The following CDON variants were observed in gnomAD, a reference collection of about 807,000 sequenced individuals.
CDON encodes cell adhesion molecule-related/down-regulated by oncogenes.
A neutral mutation model predicts 120.9 loss-of-function variants in CDON; 73 were observed. The ratio of observed to expected loss-of-function variants is 0.60; its 90% CI spans 0.50 to 0.73. The LOEUF (loss-of-function observed/expected upper bound fraction) is 0.73. Ranked by LOEUF, CDON falls within the 30% of genes least tolerant of loss-of-function variation. CDON has a pLI of 0.00. For synonymous variants in CDON, 566 were observed against 573.5 expected, an observed-to-expected ratio of 0.99 and a Z score of 0.19; for missense variants, 1,470 against 1,587.3, an observed-to-expected ratio of 0.93 and a Z score of 1.26.
chr11:125,994,977 T>TA lies in CDON; in HGVS notation c.2437dup (p.Tyr813LeufsTer42). ...GCGATTGGGGAACCCAACCACTTGA[T>TA]AAGGACGAGATGCTGAACTCCGAAA... On this transcript the variant is annotated frameshift_variant, in exon 13 of 20. Coordinates refer to ENST00000531738, the MANE Select transcript of CDON (RefSeq NM_001378964.1). LOFTEE classifies it high-confidence loss of function. The TA allele has an allele frequency of 6.2e-7, 1 of 1,614,106 alleles. No homozygotes were observed. The highest frequency in any genetic ancestry group is 8.5e-7 in the Non-Finnish European group (1 of 1,179,958).
At chr11:125,988,638 A>G (rs1269647189) in intron 15 of CDON, among the ~76,000 whole-genome samples, 1 of 152,176 alleles carries the variant, frequency 6.6e-6, no homozygotes, top group African/African-American at 2.4e-5. Context: ...GTTGTTGTGA[A>G]GATTAACTGA....
intron 1 of CDON, among the ~76,000 whole-genome samples, chr11:126,061,196 AAC>A (rs1353916994): frequency 3.3e-5 from 5 of 152,204 alleles, no homozygotes; most frequent in African/African-American, 4.8e-5. Flanking sequence ...CACACTGCCA[AAC>A]ACACACCCAG....
At chr11:126,040,775 A>G (rs1343016423) in intron 1 of CDON, among the ~76,000 whole-genome samples, 2 of 129,218 alleles carry the variant, frequency 1.5e-5, no homozygotes, top group African/African-American at 2.9e-5. Context: ...AGATGGTGCC[A>G]CTGCACTCCA....
rs11829020 is a variant in CDON, at chr11:126,023,603, G to A, written c.-61-66C>T. ...CTTTCGTCTGAGCAGCTGGAGCTGT[G>A]AGCATGACGGCTGCCATCTATTTTG... On this transcript the variant is annotated intron_variant, in intron 1 of 19. Transcript: ENST00000531738. 5,566 of 755,648 alleles carry A rather than the reference G, an allele frequency of 7.4e-3. 198 individuals are homozygous for A. The African/African-American group carries it at 0.082, about 11-fold the overall frequency. 46.8% of individuals were successfully genotyped at this position (755,648 alleles called of 1,614,324 possible). A position where few individuals can be genotyped will look rare whatever the true frequency, so the allele number is the denominator to read the frequency against.
intron 15 of CDON, among the ~76,000 whole-genome samples, chr11:125,988,783 ATTTAGAATC>A (rs1051844130): frequency 2.0e-5 from 3 of 152,224 alleles, no homozygotes. Context: ...AGAATGTTCA[ATTTAGAATC>A]AGCAACTGCT....
chr11:126,050,521 C>T (rs910179951), intron 1 of CDON, among the ~76,000 whole-genome samples: 25 of 150,994 alleles, frequency 1.7e-4, no homozygotes, highest in Middle Eastern at 3.2e-3. Flanking sequence ...CACACACACA[C>T]ACACACACAC....
At chr11:126,060,322 ACGCAGCTCAT>A (rs1271024598) in intron 1 of CDON, among the ~76,000 whole-genome samples, 2 of 152,190 alleles carry the variant, frequency 1.3e-5, no homozygotes, top group African/African-American at 4.8e-5. Context: ...GCTACCATGT[ACGCAGCTCAT>A]CTACAGCTCC....
At chr11:126,037,833 CCA>C (rs764122329) in intron 1 of CDON, among the ~76,000 whole-genome samples, 4 of 152,150 alleles carry the variant, frequency 2.6e-5, no homozygotes, top group African/African-American at 4.8e-5. Flanking sequence ...AAAAAAAACT[CCA>C]CAGTTTTTTT....
intron 5 of CDON, among the ~76,000 whole-genome samples, chr11:126,018,058 C>T (rs758716375): frequency 6.6e-6 from 1 of 152,096 alleles, no homozygotes; most frequent in Non-Finnish European, 1.5e-5. Flanking sequence ...TGCTGCCACA[C>T]CCAGCTAATT....
Position 125,984,052 on chromosome 11 carries a change from A to G in CDON, c.2815T>C (p.Leu939=). 2.5e-6 allele frequency: 4 copies of G among 1,613,966 alleles called. No homozygotes were observed. Among genetic ancestry groups the G allele is most frequent in the Non-Finnish European group, 3.4e-6 (4 of 1,179,848 alleles). Reference sequence around the variant, plus strand: ...CCCAAAGAATTTGGAGGGGTACTCAAGTCTTTGACAGGATATTCAGAAGCT... The same window carrying G: ...CCCAAAGAATTTGGAGGGGTACTCAGGTCTTTGACAGGATATTCAGAAGCT... ...PGASEYPVKD[L]STPPNSLGSG... is the part of the protein sequence containing the mutation. The change falls in exon 16 of 20, where the codon TTG becomes CTG. Residue 939 remains leucine (L), a synonymous_variant. Transcript: ENST00000531738.
intron 1 of CDON, among the ~76,000 whole-genome samples, chr11:126,029,555 C>CATAT (rs10588981): frequency 1.1e-4 from 16 of 150,746 alleles, no homozygotes; most frequent in Admixed American, 7.9e-4. Flanking sequence ...GTCCATGTAA[C>CATAT]ATATATATAT....
At chr11:126,025,723 AC>A (rs1176049992) in intron 1 of CDON, among the ~76,000 whole-genome samples, 1 of 152,212 alleles carries the variant, frequency 6.6e-6, no homozygotes, top group African/African-American at 2.4e-5. Flanking sequence ...CATTTATGCA[AC>A]AAATACTTAT....
Position 126,019,883 on chromosome 11 carries a change from C to T in CDON, c.350-118G>A. The T allele has an allele frequency of 4.7e-6, 4 of 845,434 alleles. No individual in the cohort carries two copies. In the South Asian group the frequency reaches 5.8e-5, roughly 12 times the overall value. The allele number at this position is 845,434 out of a possible 1,614,324, so 52.4% of individuals were successfully genotyped here. ...CACGGCCTTTTGTGGCAGCTGACCC[C>T]AGTCCAGAGGGCTGCATGATCTTTT... is the stretch of plus-strand genomic sequence containing the variant. On this transcript the variant is annotated intron_variant, in intron 3 of 19. Transcript: ENST00000531738.
chr11:126,014,972 G>C, intron 7 of CDON: 1 of 465,892 alleles, frequency 2.1e-6, no homozygotes, highest in Non-Finnish European at 3.9e-6. Context: ...GGGAATAAGA[G>C]TAAGAGAGAG....
chr11:126,040,842 A>T (rs1948240784), intron 1 of CDON, among the ~76,000 whole-genome samples: 1 of 146,930 alleles, frequency 6.8e-6, no homozygotes, highest in Non-Finnish European at 1.5e-5. Context: ...AAAAAAAAAA[A>T]AAAAGGTACT....
At chr11:125,986,880 G>T (rs1420455638) in intron 15 of CDON, among the ~76,000 whole-genome samples, 1 of 109,956 alleles carries the variant, frequency 9.1e-6, no homozygotes, top group African/African-American at 3.8e-5. Flanking sequence ...CAAGAGAAAA[G>T]AAGTCATCTT....
chr11:125,994,804 G>T, intron 13 of CDON, 67 bp downstream of exon 13: 2 of 1,372,106 alleles, frequency 1.5e-6, no homozygotes, highest in South Asian at 1.2e-5. Flanking sequence ...ATTGTGTCAT[G>T]AGAATATTAA....
At chr11:126,022,101 CAAAAAAAAAAAAA>C (rs56788784) in intron 2 of CDON, among the ~76,000 whole-genome samples, 11 of 56,552 alleles carry the variant, frequency 1.9e-4, no homozygotes, top group Non-Finnish European at 3.1e-4. Context: ...GACCCTGCTT[CAAAAAAAAAAAAA>C]AAAAAAAAAA....
chr11:125,973,959 G>A (rs1413761815), intron 18 of CDON, among the ~76,000 whole-genome samples: 6 of 151,872 alleles, frequency 4.0e-5, no homozygotes, highest in Non-Finnish European at 5.9e-5. Context: ...GCAGTGGCGT[G>A]ATCTTGGCTC....
Sources: gnomAD v4.1 joint callset for allele counts (sites outside exome capture counted in the v4.1 genomes callset) on GRCh38, gnomAD v4.1.1 for gene constraint, MANE v1.5 for transcripts, NCBI Gene and HGNC (gene_info 2026-07-23, HGNC 2026-07-21) for gene names.